MORN1: variants seen among roughly 807,000 people sequenced by gnomAD.
The protein encoded by MORN1 is MORN repeat-containing protein 1.
In MORN1, 67 loss-of-function variants were observed where a neutral mutation model predicts 61.9. The ratio of observed to expected loss-of-function variants is 1.08; its 90% CI spans 0.89 to 1.33. The LOEUF is 1.33. MORN1 is among the 40% of genes most tolerant of loss of function. The pLI is 0.00. For synonymous variants in MORN1, 301 were observed against 292.0 expected, an observed-to-expected ratio of 1.03 and a Z score of -0.31; for missense variants, 752 against 691.2, an observed-to-expected ratio of 1.09 and a Z score of -0.99.
In MORN1 at chr1:2,327,205, CAG is replaced by C. The variant is rs1641048670; in HGVS notation, c.1251-3064_1251-3063del. Among the ~76,000 whole-genome samples, 4 of 149,378 alleles carry C rather than the reference CAG, an allele frequency of 2.7e-5. No homozygotes were observed. In the South Asian group the frequency reaches 8.5e-4, roughly 32 times the overall value. The stretch of plus-strand genomic sequence containing the variant: ...AGAGACACAGAGACACAGAAACACA[CAG>C]AAACACAGAAACAAACACAGAGACA... On this transcript the variant is annotated intron_variant, in intron 12 of 13. Coordinates refer to ENST00000378531, the MANE Select transcript of MORN1 (RefSeq NM_024848.3).
chr1:2,353,041 C>G (rs1323696369), intron 10 of MORN1, among the ~76,000 whole-genome samples: 1 of 152,206 alleles, frequency 6.6e-6, no homozygotes, highest in Non-Finnish European at 1.5e-5. Context: ...GGGACCAGCA[C>G]AGCTGCCTGC....
intron 8 of MORN1, among the ~76,000 whole-genome samples, chr1:2,369,150 G>A (rs976209932): frequency 6.6e-6 from 1 of 151,676 alleles, no homozygotes; most frequent in Admixed American, 6.6e-5. Flanking sequence ...AGGAGATTGA[G>A]ATCATCCTGG....
chr1:2,359,419 T>G (rs1417564256), intron 8 of MORN1, among the ~76,000 whole-genome samples: 1 of 152,180 alleles, frequency 6.6e-6, no homozygotes, highest in East Asian at 1.9e-4. Context: ...CCACTGTCCC[T>G]CTGAGTTGCT....
At position 2,372,326 on chromosome 1, in the gene MORN1, C is replaced by G. The variant is rs1642140405; in HGVS notation, c.745+155G>C. On this transcript the variant is annotated intron_variant, in intron 8 of 13. Coordinates refer to ENST00000378531, the MANE Select transcript of MORN1 (RefSeq NM_024848.3). The surrounding 1 kb of genome is among the most constrained non-coding windows in gnomAD (Gnocchi z 5.4). ...CTGCCCTGACTGGCAGGGAAGCTGG[C>G]ACACCTGCGACCTCTCTGCCAGGCT... The G allele has an allele frequency of 3.3e-6, 2 of 609,568 alleles. No individual in the cohort carries two copies. The highest frequency in any genetic ancestry group is 3.7e-5 in the African/African-American group (2 of 53,996). 37.8% of individuals were successfully genotyped at this position (609,568 alleles called of 1,614,324 possible).
chr1:2,327,183 G>C (rs115313650), intron 12 of MORN1, among the ~76,000 whole-genome samples: 8 of 119,496 alleles, frequency 6.7e-5, no homozygotes, highest in Admixed American at 4.8e-4. Flanking sequence ...CAAACACAGA[G>C]ACACAGAGAC....
chr1:2,387,742 G>A, intron 3 of MORN1: 2 of 573,374 alleles, frequency 3.5e-6, no homozygotes, highest in South Asian at 2.1e-5. Flanking sequence ...GCCCCAGGCA[G>A]ACACTCTCTT....
rs545675618 is a variant in MORN1 at position 2,372,178 on chromosome 1, C to T, written c.745+303G>A. On this transcript the variant is annotated intron_variant, in intron 8 of 13. Coordinates refer to ENST00000378531, the MANE Select transcript of MORN1 (RefSeq NM_024848.3). The surrounding 1 kb of genome is among the most constrained non-coding windows in gnomAD (Gnocchi z 5.4). Reference sequence around the variant, plus strand: ...CTCTGACACACGTGCACGCGTGCCCCCCCACACGTATACACATTCAGACCT... The same window carrying T: ...CTCTGACACACGTGCACGCGTGCCCTCCCACACGTATACACATTCAGACCT... The T allele has an allele frequency of 4.3e-4, 129 of 298,920 alleles. 1 individual carries two copies. The highest frequency in any genetic ancestry group is 2.7e-3 in the African/African-American group (126 of 46,114). 18.5% of individuals were successfully genotyped at this position (298,920 alleles called of 1,614,324 possible). A position where few individuals can be genotyped will look rare whatever the true frequency, so the allele number is the denominator to read the frequency against.
intron 8 of MORN1, among the ~76,000 whole-genome samples, chr1:2,362,004 C>A (rs1175318468): frequency 1.3e-5 from 2 of 152,200 alleles, no homozygotes; most frequent in African/African-American, 4.8e-5. Context: ...GAGGCTGAGG[C>A]AGGCGGATCA....
At chr1:2,350,940 C>T (rs1465889830) in intron 10 of MORN1, 1 of 152,466 alleles carries the variant, frequency 6.6e-6, no homozygotes, top group Non-Finnish European at 1.5e-5. Flanking sequence ...TTCTCTCCCT[C>T]CTCTCCCCAG....
chr1:2,341,328 C>G (rs929249169), intron 10 of MORN1, among the ~76,000 whole-genome samples: 1 of 152,070 alleles, frequency 6.6e-6, no homozygotes, highest in Non-Finnish European at 1.5e-5. Flanking sequence ...CAACATCACC[C>G]CCTTCCTGGG....
chr1:2,383,510 C>T (rs1401172677), intron 6 of MORN1, among the ~76,000 whole-genome samples: 1 of 152,230 alleles, frequency 6.6e-6, no homozygotes, highest in African/African-American at 2.4e-5. Flanking sequence ...ATAGGAGAAT[C>T]TTGGCAAGGA....
chr1:2,322,450 T>G (rs1640903562), intron 13 of MORN1: 2 of 985,114 alleles, frequency 2.0e-6, no homozygotes, highest in Non-Finnish European at 2.4e-6. Flanking sequence ...AGCGGCGGCC[T>G]CCTCGGCCAG....
intron 8 of MORN1, chr1:2,362,916 G>T (rs758506232): frequency 3.3e-5 from 5 of 152,006 alleles, no homozygotes; most frequent in Non-Finnish European, 7.4e-5. Flanking sequence ...AAAGCGGAAA[G>T]AATTCATCAC....
chr1:2,389,943 T>A lies in MORN1; in HGVS notation c.130A>T (p.Lys44Ter). 1 of 1,614,136 alleles carries A rather than the reference T, an allele frequency of 6.2e-7. No individual in the cohort carries two copies. Among genetic ancestry groups the A allele is most frequent in the Non-Finnish European group, 8.5e-7 (1 of 1,179,986 alleles). ...NSFFRYEGEW[K>*]AGRKHGHGKL... Reference sequence around the variant, plus strand: ...TTCTCACCGTGCTTCCTCCCTGCTTTCCATTCTCCTTCATATCGAAAGAAG... The same window carrying A: ...TTCTCACCGTGCTTCCTCCCTGCTTACCATTCTCCTTCATATCGAAAGAAG... Residue 44 changes from lysine (K) to a stop codon, truncating the protein, a stop_gained, in exon 2 of 14, where the codon AAA becomes TAA. Coordinates refer to ENST00000378531, the MANE Select transcript of MORN1 (RefSeq NM_024848.3). LOFTEE classifies it high-confidence loss of function.
intron 12 of MORN1, among the ~76,000 whole-genome samples, chr1:2,331,016 C>G (rs1340232818): frequency 6.6e-6 from 1 of 152,250 alleles, no homozygotes; most frequent in Non-Finnish European, 1.5e-5. Context: ...AGGAACGCAG[C>G]CAGAGGCCCT....
intron 10 of MORN1, among the ~76,000 whole-genome samples, chr1:2,346,737 C>T (rs969391568): frequency 6.6e-6 from 1 of 152,212 alleles, no homozygotes; most frequent in Non-Finnish European, 1.5e-5. Context: ...CTCCTTCCCC[C>T]ATCTCGACCT....
intron 12 of MORN1, among the ~76,000 whole-genome samples, chr1:2,330,988 C>T (rs557968908): frequency 1.3e-5 from 2 of 152,368 alleles, no homozygotes; most frequent in South Asian, 2.1e-4. Flanking sequence ...TTCCGTAACA[C>T]GCCTGGAATG....
intron 10 of MORN1, chr1:2,352,487 C>A (rs1641671396): frequency 6.6e-6 from 1 of 152,382 alleles, no homozygotes; most frequent in Non-Finnish European, 1.5e-5. Flanking sequence ...ACATAGCCTG[C>A]TTGGAGGAAG....
intron 9 of MORN1, 101 bp downstream of exon 9, chr1:2,358,491 C>T: frequency 6.7e-7 from 1 of 1,485,362 alleles, no homozygotes; most frequent in Non-Finnish European, 9.3e-7. Flanking sequence ...ATAACCAGGA[C>T]TTAGCCCAGG....
Sources: gnomAD v4.1 joint callset for allele counts (sites outside exome capture counted in the v4.1 genomes callset) on GRCh38, gnomAD v4.1.1 for gene constraint, Gnocchi (gnomAD v3.1) non-coding constraint, MANE v1.5 for transcripts, NCBI Gene and HGNC (gene_info 2026-07-23, HGNC 2026-07-21) for gene names.